The following SSMEM1 variants were observed in gnomAD, a reference collection of about 807,000 sequenced individuals.
The protein encoded by SSMEM1 is serine rich single-pass membrane protein 1.
Under a neutral mutation model 9.9 loss-of-function variants are expected in SSMEM1, and 12 were observed. That is an observed-to-expected ratio of 1.21 (90% CI 0.78 to 1.96). SSMEM1 has a LOEUF of 1.96. SSMEM1 is among the 30% of genes most tolerant of loss of function. The pLI is 0.00. For synonymous variants in SSMEM1, 96 were observed against 98.9 expected, an observed-to-expected ratio of 0.97 and a Z score of 0.17; for missense variants, 259 against 292.2, an observed-to-expected ratio of 0.89 and a Z score of 0.83.
At chr7:130,208,746 A>G (rs1406962033) in intron 1 of SSMEM1, among the ~76,000 whole-genome samples, 1 of 152,246 alleles carries the variant, frequency 6.6e-6, no homozygotes, top group Non-Finnish European at 1.5e-5. Context: ...TCTGCACAGA[A>G]TAAGCAGAAC....
chr7:130,207,398 A>G (rs1994468), upstream of SSMEM1, among the ~76,000 whole-genome samples: 36,332 of 151,990 alleles, frequency 0.24, 4,575 homozygotes, highest in East Asian at 0.39. Context: ...AAGGATACCA[A>G]TTGTATTGGA....
At position 130,216,408 on chromosome 7, in the gene SSMEM1, A is replaced by C. The variant is rs1274904390; in HGVS notation, c.673A>C (p.Lys225Gln). 1.2e-6 allele frequency: 2 copies of C among 1,614,122 alleles called. No individual in the cohort carries two copies. Among genetic ancestry groups the C allele is most frequent in the African/African-American group, 2.7e-5 (2 of 74,940 alleles). ...RQKPSVTPPM[K>Q]RDSQEESSIS... ...GAAGCCTTCAGTAACACCGCCAATG[A>C]AAAGAGACAGTCAAGAGGAAAGTTC... The change falls in exon 3 of 3, where the codon AAA (lysine) becomes CAA (glutamine). Residue 225 changes from lysine (K) to glutamine (Q), a missense_variant. Coordinates refer to ENST00000297819, the MANE Select transcript of SSMEM1 (RefSeq NM_145268.4).
At chr7:130,209,044 G>A (rs1739998791) in intron 1 of SSMEM1, among the ~76,000 whole-genome samples, 1 of 152,146 alleles carries the variant, frequency 6.6e-6, no homozygotes. Flanking sequence ...TGTATTTTTA[G>A]TACAGATGGG....
chr7:130,216,091 T>C lies in SSMEM1; in HGVS notation c.356T>C (p.Leu119Ser). 6.2e-7 allele frequency: 1 copy of C among 1,614,186 alleles called. No homozygotes were observed. The highest frequency in any genetic ancestry group is 1.3e-5 in the African/African-American group (1 of 75,058). Residue 119 changes from leucine (L) to serine (S), a missense_variant, in exon 3 of 3, where the codon TTG becomes TCG. Leu to Ser is a moderately radical substitution (Grantham distance 145, BLOSUM62 -2). Coordinates refer to ENST00000297819, the MANE Select transcript of SSMEM1 (RefSeq NM_145268.4). ...LTPVTNSEVA[L>S]VNAYPEQRRA... ...CCTGTAACCAACTCAGAAGTGGCTT[T>C]GGTCAATGCCTATCCTGAACAAAGA...
At chr7:130,208,672 G>A (rs2117054193) in intron 1 of SSMEM1, among the ~76,000 whole-genome samples, 1 of 152,304 alleles carries the variant, frequency 6.6e-6, no homozygotes, top group East Asian at 1.9e-4. Flanking sequence ...AGATATGAAA[G>A]TTGTCATATT....
chr7:130,213,710 A>AAAAAAAAAAAAAAAAAG (rs1562906803), intron 2 of SSMEM1, among the ~76,000 whole-genome samples, 176 bp downstream of exon 2: 3 of 119,318 alleles, frequency 2.5e-5, no homozygotes, highest in South Asian at 2.9e-4. Context: ...AAAAAAAAAA[A>AAAAAAAAAAAAAAAAAG]AAAAGAAAAG....
chr7:130,207,045 C>T (rs1028889944), upstream of SSMEM1: 7 of 156,662 alleles, frequency 4.5e-5, no homozygotes, highest in Non-Finnish European at 8.6e-5. Context: ...GTGACTCTTT[C>T]CTAAGAAGAA....
upstream of SSMEM1, chr7:130,206,999 AAAAAT>A: frequency 6.0e-6 from 1 of 166,880 alleles, no homozygotes; most frequent in Non-Finnish European, 1.3e-5. Flanking sequence ...AAAAAAAAAA[AAAAAT>A]TAGAATACCG....
intron 2 of SSMEM1, 76 bp downstream of exon 2, chr7:130,213,610 C>T (rs1798639136): frequency 8.0e-7 from 1 of 1,253,952 alleles, no homozygotes; most frequent in Non-Finnish European, 1.1e-6. Context: ...GTAGTCCCAG[C>T]TACTCAGAAG....
Position 130,216,653 on chromosome 7 carries a change from T to A in SSMEM1, c.*183T>A. 1.4e-6 allele frequency: 1 copy of A among 712,020 alleles called. No individual in the cohort carries two copies. The highest frequency in any genetic ancestry group is 2.2e-6 in the Non-Finnish European group (1 of 446,054). The allele number at this position is 712,020 out of a possible 1,614,324, so 44.1% of individuals were successfully genotyped here. On this transcript the variant is annotated 3_prime_UTR_variant, in exon 3 of 3. Coordinates refer to ENST00000297819, the MANE Select transcript of SSMEM1 (RefSeq NM_145268.4). Reference sequence around the variant, plus strand: ...TCTTCGTTCAAAAAAAAAAAGGCCATCACGTGTTTATGGCACCATTGGAAC... The same window carrying A: ...TCTTCGTTCAAAAAAAAAAAGGCCAACACGTGTTTATGGCACCATTGGAAC...
At position 130,207,940 on chromosome 7, in the gene SSMEM1, G is replaced by A; in HGVS notation, c.30G>A (p.Glu10=). The stretch of plus-strand genomic sequence containing the variant: ...GAGACCTTTTTTCCTTATTTTGGGA[G>A]GTAGATCCTCCCCCAATACCTGTAA... MGDLFSLFW[E]VDPPPIPVNC... is the part of the protein sequence containing the mutation. The change falls in exon 1 of 3, where the codon GAG becomes GAA. Residue 10 remains glutamate (E), a synonymous_variant. Transcript: ENST00000297819. 6.2e-7 allele frequency: 1 copy of A among 1,613,676 alleles called. No homozygotes were observed. The highest frequency in any genetic ancestry group is 1.1e-5 in the South Asian group (1 of 90,982).
Position 130,216,003 on chromosome 7 carries a change from A to C in SSMEM1, c.268A>C (p.Ser90Arg). ...CAAAGAGACTTCCTGTAAGCGGCAA[A>C]GCAAAGACAGTGCCTGGGATCCCTC... The part of the protein sequence containing the change: ...ASKETSCKRQ[S>R]KDSAWDPSQT... Residue 90 changes from serine to arginine, a missense_variant, in exon 3 of 3, where the codon AGC becomes CGC. Coordinates refer to ENST00000297819, the MANE Select transcript of SSMEM1 (RefSeq NM_145268.4). The C allele has an allele frequency of 1.2e-6, 2 of 1,614,198 alleles. No homozygotes were observed. Among genetic ancestry groups the C allele is most frequent in the Non-Finnish European group, 8.5e-7 (1 of 1,180,020 alleles).
At chr7:130,210,956 C>T (rs1373253940) in intron 1 of SSMEM1, among the ~76,000 whole-genome samples, 2 of 151,992 alleles carry the variant, frequency 1.3e-5, no homozygotes, top group East Asian at 3.8e-4. Flanking sequence ...AATTATAGGG[C>T]AGAAGACAAA....
Position 130,216,798 on chromosome 7 carries a change from T to G in SSMEM1, c.*328T>G. 1 of 273,228 alleles carries G rather than the reference T, an allele frequency of 3.7e-6. No homozygotes were observed. The highest frequency in any genetic ancestry group is 5.8e-5 in the South Asian group (1 of 17,376). The allele number at this position is 273,228 out of a possible 1,614,324, so 16.9% of individuals were successfully genotyped here. ...ATGTATTTTGTTTATGTCTGTAATA[T>G]GAATAAGAAAGCTCTTTGAAAATGT... On this transcript the variant is annotated 3_prime_UTR_variant, in exon 3 of 3. Coordinates refer to ENST00000297819, the MANE Select transcript of SSMEM1 (RefSeq NM_145268.4).
At position 130,216,011 on chromosome 7, in the gene SSMEM1, C is replaced by T; in HGVS notation, c.276C>T (p.Asp92=). ...KETSCKRQSK[D]SAWDPSQTMK... ...CTTCCTGTAAGCGGCAAAGCAAAGA[C>T]AGTGCCTGGGATCCCTCACAAACAA... The change falls in exon 3 of 3, where the codon GAC becomes GAT. Residue 92 remains aspartate, a synonymous_variant. Coordinates refer to ENST00000297819, the MANE Select transcript of SSMEM1 (RefSeq NM_145268.4). 1 of 1,614,200 alleles carries T rather than the reference C, an allele frequency of 6.2e-7. No homozygotes were observed. Among genetic ancestry groups the T allele is most frequent in the South Asian group, 1.1e-5 (1 of 91,078 alleles).
chr7:130,208,154 AAAATACATTTACTATACTTTGATG>A (rs1798524612), intron 1 of SSMEM1, 61 bp downstream of exon 1: 2 of 1,452,820 alleles, frequency 1.4e-6, no homozygotes, highest in Non-Finnish European at 1.8e-6. Context: ...AAATTTCCAT[AAAATACATTTACTATACTTTGATG>A]AAACTACTTT....
chr7:130,208,570 C>T (rs1410094951), intron 1 of SSMEM1, among the ~76,000 whole-genome samples: 1 of 152,188 alleles, frequency 6.6e-6, no homozygotes, highest in Non-Finnish European at 1.5e-5. Context: ...AGATTGTTTA[C>T]AGTTTATCCA....
intron 1 of SSMEM1, among the ~76,000 whole-genome samples, chr7:130,208,331 C>T (rs191027406): frequency 3.3e-5 from 5 of 152,288 alleles, no homozygotes; most frequent in African/African-American, 9.6e-5. Flanking sequence ...GTATGTTCTT[C>T]CAGTTTGGTT....
At chr7:130,207,635 AATATAGC>A, upstream of SSMEM1, 1 of 485,928 alleles carries the variant, frequency 2.1e-6, no homozygotes. Context: ...AAGATAGGAA[AATATAGC>A]ATATACAAGT....
Sources: allele counts gnomAD v4.1 joint callset (sites outside exome capture counted in the v4.1 genomes callset), GRCh38; gene constraint gnomAD v4.1.1; transcripts MANE v1.5; gene names NCBI Gene and HGNC (gene_info 2026-07-23, HGNC 2026-07-21).